Variants in TRIM2 observed in about 807,000 individuals in gnomAD.
The protein encoded by TRIM2 is tripartite motif containing 2.
In TRIM2, 20 loss-of-function variants were observed where a neutral mutation model predicts 75.2. The observed-to-expected ratio is 0.27, with a 90% CI of 0.19 to 0.39. The LOEUF (loss-of-function observed/expected upper bound fraction) is 0.39. Ranked by LOEUF, TRIM2 falls within the 10% of genes least tolerant of loss-of-function variation. The pLI is 1.00. For synonymous variants in TRIM2, 373 were observed against 388.3 expected (o/e 0.96, Z 0.46); for missense variants, 660 against 990.8 (o/e 0.67, Z 4.48).
At chr4:153,170,170 AAGG>A (rs748355243) in intron 1 of TRIM2, among the ~76,000 whole-genome samples, 1 of 152,188 alleles carries the variant, frequency 6.6e-6, no homozygotes, top group Non-Finnish European at 1.5e-5. Flanking sequence ...GGTGGAGGAG[AAGG>A]AGAATGAAGG....
chr4:153,211,203 G>C (rs909499755), intron 1 of TRIM2, among the ~76,000 whole-genome samples: 6 of 152,162 alleles, frequency 3.9e-5, no homozygotes, highest in African/African-American at 1.4e-4. Flanking sequence ...CTTGAGGAAG[G>C]GGGTGCTGCT....
At chr4:153,154,435 A>T (rs918054335) in intron 1 of TRIM2, among the ~76,000 whole-genome samples, 3 of 152,222 alleles carry the variant, frequency 2.0e-5, no homozygotes, top group Non-Finnish European at 4.4e-5. Flanking sequence ...TAAACTTTCC[A>T]GGTCTCCGTT....
At chr4:153,323,346 AT>A (rs1190453133) in intron 9 of TRIM2, among the ~76,000 whole-genome samples, 1 of 152,226 alleles carries the variant, frequency 6.6e-6, no homozygotes, top group Non-Finnish European at 1.5e-5. Flanking sequence ...AAAATAGCTT[AT>A]TAATTTTCTT....
intron 10 of TRIM2, among the ~76,000 whole-genome samples, chr4:153,324,928 G>T (rs1371670705): frequency 6.6e-6 from 1 of 152,092 alleles, no homozygotes; most frequent in Non-Finnish European, 1.5e-5. Context: ...ATGCTGTTTT[G>T]CACTTACAGA....
At chr4:153,181,604 G>A (rs1408088689) in intron 1 of TRIM2, among the ~76,000 whole-genome samples, 4 of 152,112 alleles carry the variant, frequency 2.6e-5, no homozygotes, top group African/African-American at 9.7e-5. Flanking sequence ...TCCCTCATGC[G>A]CCAGGGATGA....
At chr4:153,308,059 T>C in intron 6 of TRIM2, 1 of 791,334 alleles carries the variant, frequency 1.3e-6, no homozygotes, top group East Asian at 2.4e-5. Context: ...TCATAAGGAC[T>C]GTAGCTCTTG....
At chr4:153,285,934 G>A (rs778934849) in intron 3 of TRIM2, among the ~76,000 whole-genome samples, 3 of 152,164 alleles carry the variant, frequency 2.0e-5, no homozygotes, top group African/African-American at 7.2e-5. Context: ...AGTGATAAGA[G>A]TGAATATCCT....
chr4:153,338,658 A>T lies in TRIM2; in HGVS notation c.*3692A>T. 2.0e-6 allele frequency: 2 copies of T among 985,862 alleles called. No individual in the cohort carries two copies. Among genetic ancestry groups the T allele is most frequent in the East Asian group, 2.3e-4 (2 of 8,816 alleles). 61.1% of individuals were successfully genotyped at this position (985,862 alleles called of 1,614,324 possible). ...TTTGTTTTCAATGACAGTAAGCTAC[A>T]AATCATGATGCTTAAAAACTTTCTA... On this transcript the variant is annotated 3_prime_UTR_variant, in exon 12 of 12. Transcript: ENST00000338700.
At chr4:153,237,462 C>A (rs539934141) in intron 1 of TRIM2, among the ~76,000 whole-genome samples, 3 of 152,016 alleles carry the variant, frequency 2.0e-5, no homozygotes. Flanking sequence ...GGGCGGATCA[C>A]GAGGTCAGGA....
intron 1 of TRIM2, chr4:153,257,541 A>G (rs1401878334): frequency 3.1e-6 from 4 of 1,289,586 alleles, no homozygotes; most frequent in South Asian, 2.5e-5. Flanking sequence ...TGTTCTGTGC[A>G]TGAACTGGCA....
intron 1 of TRIM2, among the ~76,000 whole-genome samples, chr4:153,258,526 G>C (rs923475755): frequency 2.0e-5 from 3 of 152,016 alleles, no homozygotes; most frequent in Non-Finnish European, 4.4e-5. Flanking sequence ...CCTTCTTTTG[G>C]GGGGATAGGA....
intron 1 of TRIM2, among the ~76,000 whole-genome samples, chr4:153,168,242 G>T (rs1730507281): frequency 6.6e-6 from 1 of 152,010 alleles, no homozygotes; most frequent in South Asian, 2.1e-4. Context: ...TGAGCATATA[G>T]AACTAAATAT....
At chr4:153,230,304 C>T (rs1370345470) in intron 1 of TRIM2, among the ~76,000 whole-genome samples, 4 of 152,224 alleles carry the variant, frequency 2.6e-5, no homozygotes, top group Non-Finnish European at 4.4e-5. Flanking sequence ...TCTCAGCCTC[C>T]TGAGTAGCTG....
At position 153,211,044 on chromosome 4, in the gene TRIM2, C is replaced by T. The variant is rs7682947; in HGVS notation, c.30+6484C>T. ...GCAGCCTACCCACCCCTCCTCATCA[C>T]TGTCCAGGGGCATTCAGGAAACACA... On this transcript the variant is annotated intron_variant, in intron 1 of 11. Transcript: ENST00000338700. Among the ~76,000 whole-genome samples, 1,237 of 152,292 alleles carry T rather than the reference C, an allele frequency of 8.1e-3. 13 individuals are homozygous for T. Among genetic ancestry groups the T allele is most frequent in the African/African-American group, 0.028 (1,178 of 41,564 alleles).
chr4:153,156,149 G>A (rs1357040909), intron 1 of TRIM2, among the ~76,000 whole-genome samples: 1 of 152,232 alleles, frequency 6.6e-6, no homozygotes, highest in African/African-American at 2.4e-5. Context: ...CATCCAGATA[G>A]GCAACTGCAA....
At chr4:153,173,985 T>A (rs1731148008) in intron 1 of TRIM2, among the ~76,000 whole-genome samples, 1 of 151,234 alleles carries the variant, frequency 6.6e-6, no homozygotes, top group Non-Finnish European at 1.5e-5. Context: ...TAATAATTAA[T>A]AAATACATAA....
intron 8 of TRIM2, among the ~76,000 whole-genome samples, chr4:153,320,070 C>T (rs192639395): frequency 3.9e-5 from 6 of 152,290 alleles, no homozygotes; most frequent in African/African-American, 4.8e-5. Context: ...TTTTAATCAT[C>T]GAAGTGCCTT....
rs1444907023 is a variant in TRIM2, at chr4:153,337,008, T to C, written c.*2042T>C. The C allele has an allele frequency of 1.0e-6, 1 of 981,106 alleles. No individual in the cohort carries two copies. The highest frequency in any genetic ancestry group is 1.8e-5 in the African/African-American group (1 of 57,112). The allele number at this position is 981,106 out of a possible 1,614,324, so 60.8% of individuals were successfully genotyped here. ...GTACCTACTAGGTACCAAGTACTCT[T>C]TTAGGCACTGGAAATACAGTGATGG... On this transcript the variant is annotated 3_prime_UTR_variant, in exon 12 of 12. Coordinates refer to ENST00000338700, the MANE Select transcript of TRIM2 (RefSeq NM_015271.5).
At chr4:153,332,588 T>C (rs1381549735) in intron 11 of TRIM2, among the ~76,000 whole-genome samples, 2 of 151,252 alleles carry the variant, frequency 1.3e-5, no homozygotes, top group Non-Finnish European at 2.9e-5. Context: ...GAGGTTGCAG[T>C]GAGCCATGAT....
Sources: gnomAD v4.1 joint callset for allele counts (sites outside exome capture counted in the v4.1 genomes callset) on GRCh38, gnomAD v4.1.1 for gene constraint, MANE v1.5 for transcripts, NCBI Gene and HGNC (gene_info 2026-07-23, HGNC 2026-07-21) for gene names.